CPNE8: variants seen among roughly 807,000 people sequenced by gnomAD.
CPNE8 encodes the protein copine 8.
A neutral mutation model predicts 81.5 loss-of-function variants in CPNE8; 45 were observed. That is an observed-to-expected ratio of 0.55 (90% CI 0.44 to 0.71). The LOEUF (loss-of-function observed/expected upper bound fraction) is 0.71. Ranked by LOEUF, CPNE8 falls within the 30% of genes least tolerant of loss-of-function variation. The pLI is 0.00. For synonymous variants in CPNE8, 252 were observed against 226.3 expected, an observed-to-expected ratio of 1.11 and a Z score of -1.02; for missense variants, 594 against 672.1, an observed-to-expected ratio of 0.88 and a Z score of 1.28.
intron 3 of CPNE8, among the ~76,000 whole-genome samples, chr12:38,870,627 C>T (rs1943977918): frequency 6.6e-6 from 1 of 152,028 alleles, no homozygotes; most frequent in African/African-American, 2.4e-5. Context: ...GAACATCACA[C>T]ACCGGGGCCT....
chr12:38,832,417 A>G (rs555738339), intron 5 of CPNE8, among the ~76,000 whole-genome samples: 4 of 152,314 alleles, frequency 2.6e-5, no homozygotes, highest in African/African-American at 9.6e-5. Context: ...CTGAAGAATC[A>G]ACACAGGCCC....
At chr12:38,900,274 C>G (rs10444553) in intron 1 of CPNE8, among the ~76,000 whole-genome samples, 67,888 of 151,890 alleles carry the variant, frequency 0.45, 16,046 homozygotes, top group Non-Finnish European at 0.53. Context: ...ACCAGCACAG[C>G]TTGAACTTGT....
intron 16 of CPNE8, among the ~76,000 whole-genome samples, chr12:38,682,698 G>T (rs1013239972): frequency 2.6e-5 from 4 of 151,984 alleles, no homozygotes; most frequent in Non-Finnish European, 5.9e-5. Context: ...CCTTCAATGT[G>T]GAAAAGATCT....
chr12:38,690,998 A>G (rs1304997398), intron 15 of CPNE8, among the ~76,000 whole-genome samples: 11 of 152,166 alleles, frequency 7.2e-5, no homozygotes, highest in Non-Finnish European at 1.6e-4. Context: ...CCTCTCTAGA[A>G]ATTGTGTGGG....
At chr12:38,869,010 T>G (rs1943954158) in intron 3 of CPNE8, among the ~76,000 whole-genome samples, 1 of 152,162 alleles carries the variant, frequency 6.6e-6, no homozygotes, top group Non-Finnish European at 1.5e-5. Context: ...ACTGCCAAGA[T>G]TCAACCATTT....
intron 6 of CPNE8, among the ~76,000 whole-genome samples, chr12:38,800,014 G>A (rs1390315358): frequency 5.7e-5 from 8 of 139,860 alleles, no homozygotes; most frequent in Non-Finnish European, 9.5e-5. Flanking sequence ...CTACGCCCAC[G>A]GAATCTCGCT....
At chr12:38,799,499 G>C (rs1005516983) in intron 6 of CPNE8, among the ~76,000 whole-genome samples, 1 of 152,096 alleles carries the variant, frequency 6.6e-6, no homozygotes, top group African/African-American at 2.4e-5. Context: ...TTAAACCAAC[G>C]AGAACAAAGA....
chr12:38,696,600 T>G (rs1254038348), intron 14 of CPNE8, among the ~76,000 whole-genome samples: 1 of 152,226 alleles, frequency 6.6e-6, no homozygotes, highest in Non-Finnish European at 1.5e-5. Flanking sequence ...ACTGACAATA[T>G]GTATACTTTT....
Position 38,730,307 on chromosome 12 carries a change from C to T in CPNE8, c.774G>A (p.Gly258=), listed in dbSNP as rs771981752. ...FTTSYRELSR[G]QSQFNVYEVV... ...CCTCATATACGTTGAATTGTGACTG[C>T]CCTCTAGAAAGTTCCCTATAGCTTG... Residue 258 remains glycine (G), a synonymous_variant, in exon 11 of 20, where the codon GGG becomes GGA. Transcript: ENST00000331366. The T allele has an allele frequency of 2.5e-6, 4 of 1,596,882 alleles. No individual in the cohort carries two copies. The highest frequency in any genetic ancestry group is 3.4e-5 in the Admixed American group (2 of 59,584).
intron 13 of CPNE8, among the ~76,000 whole-genome samples, chr12:38,713,809 G>A (rs141232490): frequency 2.4e-4 from 35 of 148,806 alleles, no homozygotes; most frequent in Admixed American, 1.3e-3. Flanking sequence ...TGGACTCGCT[G>A]GATGAGAGTT....
At chr12:38,670,645 G>A (rs1225484073) in intron 19 of CPNE8, 84 bp downstream of exon 19, 1 of 891,692 alleles carries the variant, frequency 1.1e-6, no homozygotes, top group East Asian at 2.6e-5. Context: ...TAAAAAGTCT[G>A]TTATATTTCT....
chr12:38,679,295 T>C (rs1054959067), intron 16 of CPNE8, among the ~76,000 whole-genome samples: 5 of 151,886 alleles, frequency 3.3e-5, no homozygotes, highest in African/African-American at 1.2e-4. Context: ...CTGATTTTCT[T>C]TGGATATACC....
intron 11 of CPNE8, among the ~76,000 whole-genome samples, chr12:38,728,210 T>C (rs753456573): frequency 6.6e-6 from 1 of 152,168 alleles, no homozygotes; most frequent in South Asian, 2.1e-4. Context: ...CCCACACTTT[T>C]CTATACATAG....
intron 6 of CPNE8, among the ~76,000 whole-genome samples, chr12:38,790,660 T>C (rs1373688064): frequency 1.3e-5 from 2 of 151,784 alleles, no homozygotes; most frequent in Non-Finnish European, 3.0e-5. Flanking sequence ...ATATTTTCCA[T>C]GATGTGATTA....
At chr12:38,761,703 C>T (rs1411799174) in intron 9 of CPNE8, among the ~76,000 whole-genome samples, 4 of 152,132 alleles carry the variant, frequency 2.6e-5, no homozygotes, top group Non-Finnish European at 5.9e-5. Flanking sequence ...GGAAAATCCT[C>T]AGGACCACCT....
At chr12:38,704,862 A>ATATATATATT (rs1940064355) in intron 13 of CPNE8, among the ~76,000 whole-genome samples, 1 of 133,376 alleles carries the variant, frequency 7.5e-6, no homozygotes, top group Non-Finnish European at 1.6e-5. Context: ...ATATATATAT[A>ATATATATATT]TTTAAATTTC....
At chr12:38,853,728 AT>A (rs1943683387) in intron 3 of CPNE8, among the ~76,000 whole-genome samples, 1 of 152,076 alleles carries the variant, frequency 6.6e-6, no homozygotes, top group African/African-American at 2.4e-5. Flanking sequence ...TACTTTTCCA[AT>A]TTAGGAACAA....
chr12:38,843,942 A>T (rs1379501942), intron 4 of CPNE8, among the ~76,000 whole-genome samples: 1 of 152,182 alleles, frequency 6.6e-6, no homozygotes, highest in African/African-American at 2.4e-5. Flanking sequence ...CCTAACAATT[A>T]ACAGAGTAAG....
At chr12:38,683,521 G>GA (rs1173878474) in intron 16 of CPNE8, among the ~76,000 whole-genome samples, 13 of 152,044 alleles carry the variant, frequency 8.6e-5, no homozygotes, top group Admixed American at 3.9e-4. Context: ...TCTTAATAGA[G>GA]AAAAAAATAG....
Sources: gnomAD v4.1 joint callset for allele counts (sites outside exome capture counted in the v4.1 genomes callset) on GRCh38, gnomAD v4.1.1 for gene constraint, MANE v1.5 for transcripts, NCBI Gene and HGNC (gene_info 2026-07-23, HGNC 2026-07-21) for gene names.